The following CEP170B variants were observed in gnomAD, a reference collection of about 807,000 sequenced individuals.
CEP170B encodes the protein centrosomal protein 170B.
Under a neutral mutation model 120.6 loss-of-function variants are expected in CEP170B, and 55 were observed. The ratio of observed to expected loss-of-function variants is 0.46; its 90% CI spans 0.37 to 0.57. The LOEUF (loss-of-function observed/expected upper bound fraction) is 0.57, where lower values mean the gene tolerates loss of function less well. CEP170B is among the 20% of genes least tolerant of loss of function. The pLI, the probability that CEP170B is intolerant of heterozygous loss-of-function variation, is 0.00. For missense variants in CEP170B, 2,212 were observed against 2,253.3 expected (o/e 0.98, Z 0.37); for synonymous variants, 1,033 against 954.5 (o/e 1.08, Z -1.52).
rs1465425686 is a variant in CEP170B at position 104,868,063 on chromosome 14, G to A, written c.-27-361G>A. Reference sequence around the variant, plus strand: ...TCCTACCCATGAGCTGCTCCTGATGGGTCACGTGGATGTGGGGTCACTTAC... The same window carrying A: ...TCCTACCCATGAGCTGCTCCTGATGAGTCACGTGGATGTGGGGTCACTTAC... On this transcript the variant is annotated intron_variant, in intron 1 of 18. Transcript: ENST00000414716. The surrounding 1 kb of genome is among the most constrained non-coding windows in gnomAD (Gnocchi z 5.9). Among the ~76,000 whole-genome samples, 1 of 152,066 alleles carries A rather than the reference G, an allele frequency of 6.6e-6. No homozygotes were observed.
chr14:104,878,551 C>G, intron 5 of CEP170B, 50 bp downstream of exon 5: 2 of 1,574,194 alleles, frequency 1.3e-6, no homozygotes, highest in Non-Finnish European at 1.7e-6. Context: ...CTCAGCCCCC[C>G]ATCCTCCCCA....
intron 13 of CEP170B, among the ~76,000 whole-genome samples, chr14:104,890,158 A>G (rs1190640055): frequency 9.8e-5 from 6 of 61,262 alleles, no homozygotes; most frequent in South Asian, 7.1e-4. Context: ...GGATGGATGG[A>G]TGCATGGATG....
upstream of CEP170B, chr14:104,865,181 G>T (rs1244315644): frequency 3.4e-5 from 5 of 145,404 alleles, no homozygotes; most frequent in Admixed American, 6.8e-5. This position sits in a 1 kb window ranked among gnomAD's most constrained non-coding sequence, Gnocchi z 6.7. Context: ...GCGGGGCGGC[G>T]CGGGGTGCGG....
intron 3 of CEP170B, among the ~76,000 whole-genome samples, chr14:104,876,670 G>T (rs568308654): frequency 6.6e-6 from 1 of 152,194 alleles, no homozygotes. Context: ...TCCCCAGAAG[G>T]CTCCCCCTGG....
At chr14:104,866,760 G>A (rs1895228738) in intron 1 of CEP170B, among the ~76,000 whole-genome samples, 1 of 152,188 alleles carries the variant, frequency 6.6e-6, no homozygotes, top group African/African-American at 2.4e-5. Flanking sequence ...GAGCCTCAAA[G>A]CTGAAGACCT....
chr14:104,888,623 C>T (rs558679383), intron 12 of CEP170B, among the ~76,000 whole-genome samples: 2 of 152,366 alleles, frequency 1.3e-5, no homozygotes, highest in South Asian at 2.1e-4. Context: ...GTCTGCAGAG[C>T]GGGGCCCACC....
intron 8 of CEP170B, 120 bp from the exon 9 acceptor site, chr14:104,883,711 G>A (rs930869542): frequency 4.4e-6 from 5 of 1,133,758 alleles, no homozygotes; most frequent in African/African-American, 1.6e-5. Context: ...GTGTGGGGGG[G>A]CCCTGAGGGC....
intron 2 of CEP170B, among the ~76,000 whole-genome samples, chr14:104,874,778 C>T (rs1211247130): frequency 1.3e-5 from 2 of 151,980 alleles, no homozygotes. Flanking sequence ...AGCGCAACCA[C>T]CGTGGCTTGA....
intron 13 of CEP170B, among the ~76,000 whole-genome samples, chr14:104,890,358 A>AT (rs1555394064): frequency 1.3e-4 from 10 of 74,928 alleles, no homozygotes; most frequent in Admixed American, 2.8e-4. Context: ...GGATGGATGG[A>AT]TGGATGAGTG....
rs1253916484 is a variant in CEP170B at position 104,892,987 on chromosome 14, C to T, written c.3890C>T (p.Thr1297Met). 5.1e-6 allele frequency: 8 copies of T among 1,567,794 alleles called. No homozygotes were observed. The highest frequency in any genetic ancestry group is 6.9e-6 in the Non-Finnish European group (8 of 1,157,404). ...CCTGCCGGCTGCAGGCTGAGCCAGA[C>T]GCTGGTGAAGGACGTGGCCATCCTA... is the stretch of plus-strand genomic sequence containing the variant. The part of the protein sequence containing the change: ...EIAEIARLSQ[T>M]LVKDVAILAQ... The change falls in exon 14 of 19, where the codon ACG becomes ATG. Residue 1297 changes from threonine (T) to methionine (M), a missense_variant. Physicochemically the swap from Thr to Met is moderately conservative, Grantham distance 81. Coordinates refer to ENST00000414716, the MANE Select transcript of CEP170B (RefSeq NM_001112726.3).
chr14:104,877,004 C>A (rs900627167), intron 3 of CEP170B, among the ~76,000 whole-genome samples: 3 of 152,156 alleles, frequency 2.0e-5, no homozygotes, highest in East Asian at 3.9e-4. Flanking sequence ...AGGTCCCTGT[C>A]TGGATGTCTC....
chr14:104,879,130 T>C (rs1159141157), intron 5 of CEP170B, among the ~76,000 whole-genome samples: 1 of 152,116 alleles, frequency 6.6e-6, no homozygotes, highest in African/African-American at 2.4e-5. Flanking sequence ...ACATTACAGT[T>C]ATTTGGAGTC....
intron 6 of CEP170B, among the ~76,000 whole-genome samples, chr14:104,881,870 A>T (rs577233211): frequency 6.6e-6 from 1 of 152,116 alleles, no homozygotes; most frequent in Admixed American, 6.5e-5. Flanking sequence ...CAGTGTGCAC[A>T]TGGTTCCCTA....
intron 13 of CEP170B, among the ~76,000 whole-genome samples, chr14:104,892,756 T>C (rs570027519): frequency 6.6e-6 from 1 of 152,362 alleles, no homozygotes; most frequent in East Asian, 1.9e-4. Context: ...CCATCCCTCC[T>C]TGTGGCTGTG....
In CEP170B at chr14:104,885,444, A is replaced by C. The variant is rs1192903534; in HGVS notation, c.1846A>C (p.Arg616=). Reference sequence around the variant, plus strand: ...CTTTCGCCCAGTCATCAGAGGGGACAGAGATGAGTCTGATGACGGGGGCGT... The same window carrying C: ...CTTTCGCCCAGTCATCAGAGGGGACCGAGATGAGTCTGATGACGGGGGCGT... ...ATFRPVIRGD[R]DESDDGGVAQ... The change falls in exon 10 of 19, where the codon AGA becomes CGA. Residue 616 remains arginine (R), a synonymous_variant. Coordinates refer to ENST00000414716, the MANE Select transcript of CEP170B (RefSeq NM_001112726.3). The C allele has an allele frequency of 7.7e-6, 12 of 1,564,762 alleles. No individual in the cohort carries two copies. Among genetic ancestry groups the C allele is most frequent in the Non-Finnish European group, 1.0e-5 (12 of 1,155,560 alleles).
chr14:104,872,412 C>CCGTGCGTGTGTG (rs1566852569), intron 2 of CEP170B, among the ~76,000 whole-genome samples: 2 of 59,928 alleles, frequency 3.3e-5, no homozygotes, highest in Non-Finnish European at 7.2e-5. Flanking sequence ...CGTGGGTGTG[C>CCGTGCGTGTGTG]CGTGGGTGTG....
intron 1 of CEP170B, among the ~76,000 whole-genome samples, chr14:104,866,148 G>GAGGC: frequency 6.6e-6 from 1 of 152,234 alleles, no homozygotes; most frequent in Admixed American, 6.5e-5. Context: ...GCCCAGCCCC[G>GAGGC]AGGCAGCCGA....
At position 104,889,743 on chromosome 14, in the gene CEP170B, T is replaced by C; in HGVS notation, c.3863T>C (p.Ile1288Thr). The change falls in exon 13 of 19, where the codon ATT becomes ACT. Residue 1288 changes from isoleucine to threonine, a missense_variant. This residue lies in a region of CEP170B where 2,166 missense variants were observed against 2,166.7 expected (regional missense o/e 1.00). Transcript: ENST00000414716. ...GGTTTCATCGTGCAGACGGCAGAGA[T>C]TGCGGAGATTGCCAGGTGAGTAGCC... ...PYGFIVQTAE[I>T]AEIARLSQTL... The C allele has an allele frequency of 6.2e-7, 1 of 1,602,474 alleles. No homozygotes were observed. Among genetic ancestry groups the C allele is most frequent in the South Asian group, 1.1e-5 (1 of 90,700 alleles).
chr14:104,876,411 T>TCAGTTCTGGCTCCTCCCCCA, intron 3 of CEP170B, 66 bp downstream of exon 3: 3 of 1,461,288 alleles, frequency 2.1e-6, no homozygotes, highest in Non-Finnish European at 1.9e-6. Context: ...CCCCTCCCTC[T>TCAGTTCTGGCTCCTCCCCCA]CAGTTCTGGC....
Sources: allele counts gnomAD v4.1 joint callset (sites outside exome capture counted in the v4.1 genomes callset), GRCh38; gene constraint gnomAD v4.1.1; regional missense constraint gnomAD v4.1.1; non-coding constraint Gnocchi (gnomAD v3.1); transcripts MANE v1.5; gene names NCBI Gene and HGNC (gene_info 2026-07-23, HGNC 2026-07-21).